Variants in HS3ST1 observed in about 807,000 individuals in gnomAD.
HS3ST1 encodes the protein heparan sulfate-glucosamine 3-sulfotransferase 1.
HS3ST1 carries 8 observed loss-of-function variants against 20.7 expected under a neutral mutation model. The ratio of observed to expected loss-of-function variants is 0.39; its 90% confidence interval spans 0.23 to 0.70. The LOEUF is 0.70. Among genes scored for constraint, HS3ST1 ranks in the 30% least tolerant of loss-of-function variants. HS3ST1 has a pLI of 0.46. For synonymous variants in HS3ST1, 205 were observed against 190.4 expected, an observed-to-expected ratio of 1.08 and a Z score of -0.63; for missense variants, 436 against 423.4, an observed-to-expected ratio of 1.03 and a Z score of -0.26.
intron 1 of HS3ST1, among the ~76,000 whole-genome samples, chr4:11,410,757 T>G (rs1296854241): frequency 6.6e-6 from 1 of 152,110 alleles, no homozygotes; most frequent in African/African-American, 2.4e-5. Flanking sequence ...CCAGGCGTGG[T>G]GGCACACGCC....
rs1442190929 is a variant in HS3ST1 at position 11,396,405 on chromosome 4, A to G, written c.*2677T>C. 1 of 152,310 alleles carries G rather than the reference A, an allele frequency of 6.6e-6. No individual in the cohort carries two copies. The highest frequency in any genetic ancestry group is 2.4e-5 in the African/African-American group (1 of 41,436). The allele number at this position is 152,310 out of a possible 1,614,324, so 9.4% of individuals were successfully genotyped here. On this transcript the variant is annotated 3_prime_UTR_variant, in exon 2 of 2. Coordinates refer to ENST00000002596, the MANE Select transcript of HS3ST1 (RefSeq NM_005114.4). The stretch of plus-strand genomic sequence containing the variant: ...CTTGCCTCTCTGGAAGGACCCACCT[A>G]GATCCCCCAGGCTGCTCCCGGGCCG...
rs1718151428 is a variant in HS3ST1, at chr4:11,396,543, C to CA, written c.*2538dup. On this transcript the variant is annotated 3_prime_UTR_variant, in exon 2 of 2. Transcript: ENST00000002596. ...GTGCTATTAGGCTCCTGAGTCACTG[C>CA]ATTTTGGCCCTGTAAGGACAGCCCA... 6.6e-6 allele frequency: 1 copy of CA among 152,186 alleles called. No individual in the cohort carries two copies. The highest frequency in any genetic ancestry group is 2.4e-5 in the African/African-American group (1 of 41,440). The allele number at this position is 152,186 out of a possible 1,614,324, so 9.4% of individuals were successfully genotyped here.
At chr4:11,413,732 G>T (rs1331215513) in intron 1 of HS3ST1, among the ~76,000 whole-genome samples, 1 of 152,000 alleles carries the variant, frequency 6.6e-6, no homozygotes, top group African/African-American at 2.4e-5. Flanking sequence ...GCTGTGAGAG[G>T]GCTAAGGACA....
upstream of HS3ST1, among the ~76,000 whole-genome samples, chr4:11,432,252 T>C (rs968936850): frequency 4.6e-5 from 7 of 152,176 alleles, no homozygotes; most frequent in African/African-American, 1.7e-4. Flanking sequence ...TGGGGTTTTA[T>C]TTGTAACCCC....
At chr4:11,430,069 C>T (rs1719174331), upstream of HS3ST1, among the ~76,000 whole-genome samples, 1 of 152,012 alleles carries the variant, frequency 6.6e-6, no homozygotes, top group Non-Finnish European at 1.5e-5. Context: ...AAAAAAATCC[C>T]ATCTAAGAGA....
At chr4:11,410,329 C>T (rs1718584867) in intron 1 of HS3ST1, among the ~76,000 whole-genome samples, 1 of 152,164 alleles carries the variant, frequency 6.6e-6, no homozygotes, top group Non-Finnish European at 1.5e-5. Context: ...TGGGAGCTGG[C>T]AGAGGGTCAG....
At chr4:11,402,016 G>A (rs989216600) in intron 1 of HS3ST1, among the ~76,000 whole-genome samples, 9 of 152,144 alleles carry the variant, frequency 5.9e-5, no homozygotes, top group African/African-American at 2.2e-4. Context: ...CCTGGCTTGG[G>A]GACTGAGGGA....
chr4:11,404,616 G>A (rs528164568), intron 1 of HS3ST1, among the ~76,000 whole-genome samples: 32 of 152,332 alleles, frequency 2.1e-4, no homozygotes, highest in African/African-American at 7.2e-4. Context: ...GAAGAACCAG[G>A]AAGGCAGGTT....
At chr4:11,418,359 C>T (rs772982257) in intron 1 of HS3ST1, among the ~76,000 whole-genome samples, 52 of 152,224 alleles carry the variant, frequency 3.4e-4, no homozygotes, top group Non-Finnish European at 5.9e-4. Context: ...ATACCAGGCT[C>T]TCTAATGGGT....
chr4:11,421,200 G>A lies in HS3ST1; in HGVS notation c.-109+7499C>T, dbSNP rs536955290. 7.2e-5 allele frequency among the ~76,000 whole-genome samples: 11 copies of A among 152,208 alleles called. 1 individual carries two copies. The highest frequency in any genetic ancestry group is 1.4e-4 in the African/African-American group (6 of 41,530). On this transcript the variant is annotated intron_variant, in intron 1 of 1. Transcript: ENST00000002596. The stretch of plus-strand genomic sequence containing the variant: ...CCTCACTAGAGTATGGAAAAAAACC[G>A]AGGCCCAGAAAAACCGTCTATTACT...
chr4:11,411,373 C>G (rs942870179), intron 1 of HS3ST1, among the ~76,000 whole-genome samples: 13 of 152,164 alleles, frequency 8.5e-5, no homozygotes, highest in Admixed American at 2.6e-4. Flanking sequence ...ATATACACAC[C>G]ACTGTGATTT....
chr4:11,399,448 C>T lies in HS3ST1; in HGVS notation c.558G>A (p.Val186=). ...GGCTGCGGTTGAGGGCCTTGTAGTCCACATTGAGCCTGCCATCGCGCACCA... is the reference window on the plus strand; with the variant it reads ...GGCTGCGGTTGAGGGCCTTGTAGTCTACATTGAGCCTGCCATCGCGCACCA... ...EFLVRDGRLN[V]DYKALNRSLY... Residue 186 remains valine (V), a synonymous_variant, in exon 2 of 2, where the codon GTG becomes GTA. Transcript: ENST00000002596. This position sits in a 1 kb window ranked among gnomAD's most constrained non-coding sequence, Gnocchi z 5.1. 1 of 1,613,986 alleles carries T rather than the reference C, an allele frequency of 6.2e-7. No homozygotes were observed. The highest frequency in any genetic ancestry group is 1.3e-5 in the African/African-American group (1 of 75,036).
At position 11,400,078 on chromosome 4, in the gene HS3ST1, A is replaced by G. The variant is rs1476389631; in HGVS notation, c.-73T>C. 46 of 1,432,652 alleles carry G rather than the reference A, an allele frequency of 3.2e-5. No homozygotes were observed. The Middle Eastern group carries it at 7.6e-4, about 24-fold the overall frequency. The allele number at this position is 1,432,652 out of a possible 1,614,324, so 88.7% of individuals were successfully genotyped here. A position where few individuals can be genotyped will look rare whatever the true frequency, so the allele number is the denominator to read the frequency against. On this transcript the variant is annotated 5_prime_UTR_variant, in exon 2 of 2. Transcript: ENST00000002596. Reference sequence around the variant, plus strand: ...AAGTGCCGCAGCAGGGAAGCCTCCTAGTCAGTGGCACATGGGCGTTTCAGG... The same window carrying G: ...AAGTGCCGCAGCAGGGAAGCCTCCTGGTCAGTGGCACATGGGCGTTTCAGG...
intron 1 of HS3ST1, among the ~76,000 whole-genome samples, chr4:11,421,086 A>T (rs1287439889): frequency 6.6e-6 from 1 of 151,748 alleles, no homozygotes; most frequent in Non-Finnish European, 1.5e-5. Flanking sequence ...GGTGTTCCGT[A>T]TTTGTATTTG....
At chr4:11,400,418 ACT>A in intron 1 of HS3ST1, among the ~76,000 whole-genome samples, 1 of 152,350 alleles carries the variant, frequency 6.6e-6, no homozygotes, top group South Asian at 2.1e-4. Context: ...ATTTATGGGC[ACT>A]GAGTGAATTT....
At chr4:11,412,914 G>A (rs2108885845) in intron 1 of HS3ST1, among the ~76,000 whole-genome samples, 1 of 152,302 alleles carries the variant, frequency 6.6e-6, no homozygotes, top group Middle Eastern at 3.4e-3. Flanking sequence ...AGGCAAGTAG[G>A]TCATGAGGGT....
intron 1 of HS3ST1, among the ~76,000 whole-genome samples, chr4:11,427,957 G>C (rs1478638631): frequency 6.6e-6 from 1 of 152,212 alleles, no homozygotes; most frequent in Non-Finnish European, 1.5e-5. Context: ...CCGCGAATAA[G>C]ACCCTTCCTG....
At chr4:11,416,128 CTT>C (rs531872485) in intron 1 of HS3ST1, among the ~76,000 whole-genome samples, 223 of 152,288 alleles carry the variant, frequency 1.5e-3, no homozygotes, top group African/African-American at 5.1e-3. Flanking sequence ...TCTCAGGTCA[CTT>C]TAAACCCTTC....
intron 1 of HS3ST1, among the ~76,000 whole-genome samples, chr4:11,425,919 T>C (rs1316458156): frequency 1.3e-5 from 2 of 148,748 alleles, no homozygotes; most frequent in African/African-American, 5.1e-5. Flanking sequence ...AAGCACCAGG[T>C]CAAGTAGCCA....
Sources: allele counts gnomAD v4.1 joint callset (sites outside exome capture counted in the v4.1 genomes callset), GRCh38; gene constraint gnomAD v4.1.1; non-coding constraint Gnocchi (gnomAD v3.1); transcripts MANE v1.5; gene names NCBI Gene and HGNC (gene_info 2026-07-23, HGNC 2026-07-21).